Variants in BAZ2B observed in about 807,000 individuals in gnomAD.
BAZ2B encodes bromodomain adjacent to zinc finger domain 2B.
In BAZ2B, 91 loss-of-function variants were observed where a neutral mutation model predicts 246.0. The observed-to-expected ratio is 0.37, with a 90% CI of 0.31 to 0.44. The LOEUF (loss-of-function observed/expected upper bound fraction) is 0.44. BAZ2B is among the 20% of genes least tolerant of loss of function. The probability of loss-of-function intolerance (pLI) is 1.00; values close to 1 mark genes in which losing one functional copy is unlikely to be tolerated. For synonymous variants in BAZ2B, 855 were observed against 860.0 expected (o/e 0.99, Z 0.10); for missense variants, 2,332 against 2,533.7 (o/e 0.92, Z 1.71).
intron 2 of BAZ2B, among the ~76,000 whole-genome samples, chr2:159,519,116 T>C (rs2083753364): frequency 1.3e-5 from 2 of 151,558 alleles, no homozygotes; most frequent in Non-Finnish European, 2.9e-5. Flanking sequence ...CTAGGAAGTG[T>C]GCAATTCTTA....
chr2:159,635,303 A>C, the BAZ2B span, among the ~76,000 whole-genome samples: 3 of 152,146 alleles, frequency 2.0e-5, no homozygotes, highest in Non-Finnish European at 4.4e-5. Context: ...GCTTTTAGTC[A>C]TCTCTTCTCA....
At chr2:159,597,995 CTTTT>C (rs10569900) in intron 1 of BAZ2B, among the ~76,000 whole-genome samples, 29 of 148,254 alleles carry the variant, frequency 2.0e-4, no homozygotes, top group Admixed American at 3.3e-4. Flanking sequence ...TAGACGTATT[CTTTT>C]TTTTTTTTTT....
At chr2:159,332,253 C>A (rs1246416682) in intron 34 of BAZ2B, among the ~76,000 whole-genome samples, 3 of 150,826 alleles carry the variant, frequency 2.0e-5, no homozygotes, top group African/African-American at 7.3e-5. Flanking sequence ...ACTTGGCAGG[C>A]TGAGGTAGGA....
intron 21 of BAZ2B, among the ~76,000 whole-genome samples, chr2:159,387,945 GTAAA>G (rs2149563492): frequency 6.6e-6 from 1 of 152,118 alleles, no homozygotes; most frequent in Non-Finnish European, 1.5e-5. Context: ...TTTATGCTAA[GTAAA>G]TAAATAGAAT....
At position 159,433,054 on chromosome 2, in the gene BAZ2B, C is replaced by T. The variant is rs1410141485; in HGVS notation, c.1603G>A (p.Val535Ile). The T allele has an allele frequency of 1.2e-6, 2 of 1,614,170 alleles. No homozygotes were observed. The highest frequency in any genetic ancestry group is 1.3e-5 in the African/African-American group (1 of 75,048). ...CTTCTCCCACTTGTACTCAGATTTACAGGTGAGGAAAAAGGGGTGCTACTT... is the reference window on the plus strand; with the variant it reads ...CTTCTCCCACTTGTACTCAGATTTATAGGTGAGGAAAAAGGGGTGCTACTT... ...AASSTPFSSPVNLSTSGRRTP... is the reference protein window; with the variant it reads ...AASSTPFSSPINLSTSGRRTP... The change falls in exon 9 of 37, where the codon GTA (valine) becomes ATA (isoleucine). Residue 535 changes from valine to isoleucine, a missense_variant. Around this residue, in one of 9 missense-constraint regions of BAZ2B, gnomAD observed 651 missense variants for 650.9 expected, o/e 1.00. Transcript: ENST00000392783.
chr2:159,385,275 C>T lies in BAZ2B; in HGVS notation c.3566G>A (p.Gly1189Glu), dbSNP rs947793793. Residue 1189 changes from glycine to glutamate, a missense_variant, in exon 23 of 37, where the codon GGA (glycine) becomes GAA (glutamate). This residue lies in a region of BAZ2B where 328 missense variants were observed against 410.4 expected (regional missense o/e 0.80). Transcript: ENST00000392783. ...CAGACTTTCAGTAAGCTCAGTTTGT[C>T]CACAGTGGGCTTCCATAAATATCTG... is the stretch of plus-strand genomic sequence containing the variant. ...ILQIFMEAHC[G>E]QTELTESLKT... 5 of 1,613,338 alleles carry T rather than the reference C, an allele frequency of 3.1e-6. No homozygotes were observed. In the African/African-American group the frequency reaches 5.3e-5, roughly 17 times the overall value.
At chr2:159,359,276 T>C (rs1441201970) in intron 27 of BAZ2B, among the ~76,000 whole-genome samples, 1 of 152,036 alleles carries the variant, frequency 6.6e-6, no homozygotes, top group Non-Finnish European at 1.5e-5. Flanking sequence ...AAAGTGGATA[T>C]CACCACTGAT....
chr2:159,387,124 A>G (rs1001632769), intron 21 of BAZ2B, among the ~76,000 whole-genome samples: 1 of 152,152 alleles, frequency 6.6e-6, no homozygotes, highest in Admixed American at 6.6e-5. Flanking sequence ...AGAAAGTGGT[A>G]CCATCTATGG....
chr2:159,390,852 A>T (rs555061368), intron 20 of BAZ2B, among the ~76,000 whole-genome samples: 1 of 152,290 alleles, frequency 6.6e-6, no homozygotes, highest in East Asian at 1.9e-4. Context: ...TCATGCAGAC[A>T]TTCTGGGAGG....
rs1460697168 is a variant in BAZ2B, at chr2:159,438,284, T to C, written c.1293+19A>G. On this transcript the variant is annotated intron_variant, in intron 8 of 36. Coordinates refer to ENST00000392783, the MANE Select transcript of BAZ2B (RefSeq NM_013450.4). ...TTTCTCTAATAGTAAAATTCTTGTATAAATAATTTGTAACTCACCCGTTTG... is the reference window on the plus strand; with the variant it reads ...TTTCTCTAATAGTAAAATTCTTGTACAAATAATTTGTAACTCACCCGTTTG... 6.3e-7 allele frequency: 1 copy of C among 1,592,864 alleles called. No individual in the cohort carries two copies. The highest frequency in any genetic ancestry group is 1.8e-5 in the Admixed American group (1 of 56,518).
chr2:159,525,354 T>C (rs999405571), intron 2 of BAZ2B, among the ~76,000 whole-genome samples: 6 of 152,208 alleles, frequency 3.9e-5, no homozygotes, highest in Non-Finnish European at 7.3e-5. Flanking sequence ...CAGTAGCACC[T>C]ATAACACGCA....
In BAZ2B at chr2:159,438,378, A is replaced by G; in HGVS notation, c.1218T>C (p.Pro406=). 1 of 1,614,150 alleles carries G rather than the reference A, an allele frequency of 6.2e-7. No individual in the cohort carries two copies. The highest frequency in any genetic ancestry group is 1.1e-5 in the South Asian group (1 of 91,084). The change falls in exon 8 of 37, where the codon CCT becomes CCC. Residue 406 remains proline, a synonymous_variant. Coordinates refer to ENST00000392783, the MANE Select transcript of BAZ2B (RefSeq NM_013450.4). ...TTTTATTCCCTGCTTTAAGAACATC[A>G]GGAGAAGGAACTATGAGTTTCATGT... is the stretch of plus-strand genomic sequence containing the variant. The part of the protein sequence containing the change: ...ETYMKLIVPS[P]DVLKAGNKNT...
At chr2:159,451,917 A>C (rs1292184028) in intron 4 of BAZ2B, among the ~76,000 whole-genome samples, 1 of 152,212 alleles carries the variant, frequency 6.6e-6, no homozygotes, top group Non-Finnish European at 1.5e-5. Flanking sequence ...GTAATAAAGC[A>C]TGATAAAACA....
At chr2:159,685,872 T>C in the BAZ2B span, among the ~76,000 whole-genome samples, 1 of 152,224 alleles carries the variant, frequency 6.6e-6, no homozygotes, top group Non-Finnish European at 1.5e-5. Flanking sequence ...GAAACTTAAC[T>C]GCACCCCCTG....
chr2:159,568,015 T>C (rs575912178), intron 1 of BAZ2B, among the ~76,000 whole-genome samples: 28 of 152,278 alleles, frequency 1.8e-4, no homozygotes, highest in African/African-American at 6.7e-4. Flanking sequence ...ATAAATTTTT[T>C]TGAGATAAAA....
At position 159,616,402 on chromosome 2, in the gene BAZ2B, G is replaced by A. The variant is rs1252032307; in HGVS notation, c.-206C>T. ...TGTAGTGGAGGTGAGATTTGTGATCGGGAAAGCCTTCGACTCCCTCCTTCT... is the reference window on the plus strand; with the variant it reads ...TGTAGTGGAGGTGAGATTTGTGATCAGGAAAGCCTTCGACTCCCTCCTTCT... On this transcript the variant is annotated 5_prime_UTR_variant, in exon 1 of 37. Transcript: ENST00000392783. 2 of 152,158 alleles carry A rather than the reference G, an allele frequency of 1.3e-5. No individual in the cohort carries two copies. The highest frequency in any genetic ancestry group is 2.9e-5 in the Non-Finnish European group (2 of 68,042). The allele number at this position is 152,158 out of a possible 1,614,324, so 9.4% of individuals were successfully genotyped here. A position where few individuals can be genotyped will look rare whatever the true frequency, so the allele number is the denominator to read the frequency against.
At chr2:159,336,588 G>A (rs1259071487) in intron 33 of BAZ2B, among the ~76,000 whole-genome samples, 3 of 152,260 alleles carry the variant, frequency 2.0e-5, no homozygotes, top group East Asian at 3.9e-4. Flanking sequence ...TTTTAGCTAC[G>A]CAGTAATATA....
intron 27 of BAZ2B, among the ~76,000 whole-genome samples, chr2:159,353,216 C>A (rs1043664015): frequency 5.9e-5 from 9 of 152,146 alleles, no homozygotes; most frequent in African/African-American, 2.2e-4. Flanking sequence ...AAATTAGTTT[C>A]TAGTTGAAAT....
chr2:159,702,797 T>C, the BAZ2B span, among the ~76,000 whole-genome samples: 1 of 152,108 alleles, frequency 6.6e-6, no homozygotes, highest in Non-Finnish European at 1.5e-5. Context: ...TCCCAGCACT[T>C]TGGGACGCCG....
Sources: gnomAD v4.1 joint callset for allele counts (sites outside exome capture counted in the v4.1 genomes callset) on GRCh38, gnomAD v4.1.1 for gene constraint, gnomAD v4.1.1 regional missense constraint, MANE v1.5 for transcripts, NCBI Gene and HGNC (gene_info 2026-07-23, HGNC 2026-07-21) for gene names.